PRKAR1A: variants seen among roughly 807,000 people sequenced by gnomAD.
The protein encoded by PRKAR1A is protein kinase cAMP-dependent type I regulatory subunit alpha.
PRKAR1A carries 3 observed loss-of-function variants against 52.0 expected under a neutral mutation model. The observed-to-expected ratio is 0.06, with a 90% confidence interval of 0.03 to 0.15. The LOEUF is 0.15. Among genes scored for constraint, PRKAR1A ranks in the 10% least tolerant of loss-of-function variants. The pLI, the probability that PRKAR1A is intolerant of heterozygous loss-of-function variation, is 1.00. For synonymous variants in PRKAR1A, 188 were observed against 168.4 expected (o/e 1.12, Z -0.90); for missense variants, 240 against 477.4 (o/e 0.50, Z 4.63).
chr17:68,425,968 G>A, the PRKAR1A span: 1 of 829,792 alleles, frequency 1.2e-6, no homozygotes, highest in Non-Finnish European at 2.0e-6. Context: ...AGAATTAGTT[G>A]TTATAGATTA....
chr17:68,538,847 C>T (rs980548505), intron 11 of PRKAR1A, among the ~76,000 whole-genome samples: 21 of 152,222 alleles, frequency 1.4e-4, no homozygotes, highest in African/African-American at 2.2e-4. Context: ...AAAGACAAAA[C>T]GTTGTGGGGG....
chr17:68,486,547 TTCTTTC>T, the PRKAR1A span, among the ~76,000 whole-genome samples: 9 of 142,772 alleles, frequency 6.3e-5, no homozygotes, highest in Non-Finnish European at 1.1e-4. Context: ...CTTTCTTTCT[TTCTTTC>T]TTTCTTTCTT....
chr17:68,431,561 A>G, the PRKAR1A span, among the ~76,000 whole-genome samples: 8 of 152,200 alleles, frequency 5.3e-5, no homozygotes, highest in Non-Finnish European at 1.5e-5. Context: ...GTCATGTTCA[A>G]AGGGACATTT....
intron 3 of PRKAR1A, 149 bp from the exon 4 acceptor site, chr17:68,523,576 A>C: frequency 1.5e-6 from 1 of 678,486 alleles, no homozygotes; most frequent in Non-Finnish European, 2.7e-6. Flanking sequence ...TATGGATCAA[A>C]GATAGTACAA....
chr17:68,550,868 G>A (rs1381593294), intron 11 of PRKAR1A, among the ~76,000 whole-genome samples: 9 of 152,202 alleles, frequency 5.9e-5, no homozygotes, highest in Non-Finnish European at 4.4e-5. Context: ...AGGTGCTTTC[G>A]CCAAAGCAGT....
chr17:68,515,543 A>G lies in PRKAR1A; in HGVS notation c.144A>G (p.Ala48=), dbSNP rs1600462539. 5.0e-6 allele frequency: 8 copies of G among 1,612,874 alleles called. No homozygotes were observed. Among genetic ancestry groups the G allele is most frequent in the Non-Finnish European group, 6.8e-6 (8 of 1,180,018 alleles). The change falls in exon 2 of 11, where the codon GCA becomes GCG. Residue 48 remains alanine, a synonymous_variant. Transcript: ENST00000589228. ...LCTARPERPM[A]FLREYFERLE... is the part of the protein sequence containing the mutation. Reference sequence around the variant, plus strand: ...CTGCTCGACCTGAGAGACCCATGGCATTCCTCAGGGAATACTTTGAGAGGT... The same window carrying G: ...CTGCTCGACCTGAGAGACCCATGGCGTTCCTCAGGGAATACTTTGAGAGGT...
intron 11 of PRKAR1A, chr17:68,540,464 G>C (rs1224488637): frequency 4.3e-6 from 2 of 469,148 alleles, no homozygotes; most frequent in Non-Finnish European, 8.5e-6. Flanking sequence ...GGGCCTGGAA[G>C]GTGGAATTAC....
chr17:68,442,766 C>T, the PRKAR1A span, among the ~76,000 whole-genome samples: 1 of 152,154 alleles, frequency 6.6e-6, no homozygotes, highest in Non-Finnish European at 1.5e-5. Flanking sequence ...CAACTGTGTC[C>T]GCACCCCAGA....
At chr17:68,509,883 C>A (rs116937160), upstream of PRKAR1A, among the ~76,000 whole-genome samples, 1 of 152,120 alleles carries the variant, frequency 6.6e-6, no homozygotes, top group Non-Finnish European at 1.5e-5. Context: ...GCTGGACTGG[C>A]GCCTGCATGC....
chr17:68,465,625 ATT>A, the PRKAR1A span, among the ~76,000 whole-genome samples: 785 of 67,178 alleles, frequency 0.012, 5 homozygotes, highest in African/African-American at 0.042. Context: ...ACGCCCAGCA[ATT>A]TTTTTTTTTT....
the PRKAR1A span, among the ~76,000 whole-genome samples, chr17:68,479,677 C>T: frequency 6.6e-6 from 1 of 152,090 alleles, no homozygotes; most frequent in Non-Finnish European, 1.5e-5. Flanking sequence ...TATTTTTCTG[C>T]ATTTAACATC....
rs367720325 is a variant in PRKAR1A, at chr17:68,543,714, G to A, written c.974-7370G>A. On this transcript the variant is annotated intron_variant, in intron 11 of 11. Transcript: ENST00000585981. ...AAGTCCACTGGTGTCTCCTCATCTCGCTGCTGTCTGGAAGGAAGGAAGGAA... is the reference window on the plus strand; with the variant it reads ...AAGTCCACTGGTGTCTCCTCATCTCACTGCTGTCTGGAAGGAAGGAAGGAA... 2.0e-5 allele frequency: 33 copies of A among 1,613,706 alleles called. No homozygotes were observed. Among genetic ancestry groups the A allele is most frequent in the Non-Finnish European group, 2.5e-5 (30 of 1,179,758 alleles).
rs1290270743 is a variant in PRKAR1A at position 68,532,042 on chromosome 17, G to C, written c.*1593G>C. ...TTTCATAGATTTGAAAAACTTTTAGGTTGTTACCAAGTATGAAGTATAAAT... is the reference window on the plus strand; with the variant it reads ...TTTCATAGATTTGAAAAACTTTTAGCTTGTTACCAAGTATGAAGTATAAAT... On this transcript the variant is annotated 3_prime_UTR_variant, in exon 11 of 11. Transcript: ENST00000589228. 9.4e-7 allele frequency: 1 copy of C among 1,065,098 alleles called. No individual in the cohort carries two copies. The highest frequency in any genetic ancestry group is 1.1e-6 in the Non-Finnish European group (1 of 878,918). 66.0% of individuals were successfully genotyped at this position (1,065,098 alleles called of 1,614,324 possible).
the PRKAR1A span, among the ~76,000 whole-genome samples, chr17:68,484,127 A>G: frequency 6.6e-6 from 1 of 152,222 alleles, no homozygotes; most frequent in African/African-American, 2.4e-5. Context: ...AAACAACTGC[A>G]GGCATTTTTA....
chr17:68,537,041 C>T, downstream of PRKAR1A: 1 of 456,158 alleles, frequency 2.2e-6, no homozygotes, highest in Non-Finnish European at 4.4e-6. The surrounding 1 kb of genome is among the most constrained non-coding windows in gnomAD (Gnocchi z 4.2). Flanking sequence ...TTTTAGTCAG[C>T]TTGTGATAGG....
intron 11 of PRKAR1A, chr17:68,540,928 T>C: frequency 6.3e-7 from 1 of 1,599,056 alleles, no homozygotes; most frequent in Non-Finnish European, 8.5e-7. Flanking sequence ...TCTGTTTCAC[T>C]GTGTCACAGT....
the PRKAR1A span, among the ~76,000 whole-genome samples, chr17:68,439,472 A>G: frequency 6.6e-6 from 1 of 152,268 alleles, no homozygotes; most frequent in East Asian, 1.9e-4. Flanking sequence ...GGGGTTGCCT[A>G]TGGCTGGGGG....
In PRKAR1A at chr17:68,522,878, C is replaced by A. The variant is rs778361747; in HGVS notation, c.300C>A (p.Ile100=). The A allele has an allele frequency of 6.2e-7, 1 of 1,613,578 alleles. No homozygotes were observed. The highest frequency in any genetic ancestry group is 1.1e-5 in the South Asian group (1 of 91,052). ...AAGGTAGGAGGCGACGAGGTGCTAT[C>A]AGCGCTGAGGTCTACACGGAGGAAG... ...VVKGRRRRGA[I]SAEVYTEEDA... is the part of the protein sequence containing the mutation. Residue 100 remains isoleucine (I), a synonymous_variant, in exon 3 of 11, where the codon ATC becomes ATA. Coordinates refer to ENST00000589228, the MANE Select transcript of PRKAR1A (RefSeq NM_002734.5).
intron 7 of PRKAR1A, among the ~76,000 whole-genome samples, chr17:68,526,378 C>T (rs544211249): frequency 6.6e-6 from 1 of 152,324 alleles, no homozygotes; most frequent in Admixed American, 6.5e-5. Flanking sequence ...AAACAAAATA[C>T]TAAAACCATT....
Sources: allele counts gnomAD v4.1 joint callset (sites outside exome capture counted in the v4.1 genomes callset), GRCh38; gene constraint gnomAD v4.1.1; non-coding constraint Gnocchi (gnomAD v3.1); transcripts MANE v1.5; gene names NCBI Gene and HGNC (gene_info 2026-07-23, HGNC 2026-07-21).